Variants in SEC14L5 observed in about 807,000 individuals in gnomAD.
SEC14L5 encodes the protein SEC14-like protein 5.
SEC14L5 carries 96 observed loss-of-function variants against 84.6 expected under a neutral mutation model. The ratio of observed to expected loss-of-function variants is 1.13; its 90% CI spans 0.96 to 1.34. The LOEUF (loss-of-function observed/expected upper bound fraction) is 1.34. Among genes scored for constraint, SEC14L5 ranks in the 40% most tolerant of loss-of-function variants. The probability of loss-of-function intolerance (pLI) is 0.00; values close to 1 mark genes in which losing one functional copy is unlikely to be tolerated. For missense variants in SEC14L5, 1,224 were observed against 942.5 expected (o/e 1.30, Z -3.91); for synonymous variants, 546 against 383.4 (o/e 1.42, Z -4.95).
chr16:4,996,966 G>T lies in SEC14L5; in HGVS notation c.892G>T (p.Asp298Tyr). Residue 298 changes from aspartate to tyrosine, a missense_variant, in exon 8 of 16, where the codon GAT (aspartate) becomes TAT (tyrosine). Coordinates refer to ENST00000251170, the MANE Select transcript of SEC14L5 (RefSeq NM_014692.2). The stretch of plus-strand genomic sequence containing the variant: ...GAGCTGGCGCAAGCAGCACCAGGTG[G>T]ATCTCCTCCTTCAGACCTGGCAACC... ...SLSWRKQHQV[D>Y]LLLQTWQPPA... 2 of 1,613,624 alleles carry T rather than the reference G, an allele frequency of 1.2e-6. No homozygotes were observed. Among genetic ancestry groups the T allele is most frequent in the South Asian group, 2.2e-5 (2 of 91,010 alleles).
intron 12 of SEC14L5, among the ~76,000 whole-genome samples, chr16:5,006,327 G>A (rs559210397): frequency 1.3e-5 from 2 of 152,236 alleles, no homozygotes; most frequent in South Asian, 2.1e-4. Context: ...GATTAGGCCA[G>A]TCAAAGGCTT....
intron 12 of SEC14L5, 83 bp from the exon 13 acceptor site, chr16:5,007,269 G>A: frequency 7.4e-7 from 1 of 1,346,780 alleles, no homozygotes; most frequent in Non-Finnish European, 1.0e-6. Context: ...GTGGCTTTGG[G>A]GGTCACACAT....
intron 15 of SEC14L5, among the ~76,000 whole-genome samples, chr16:5,014,403 C>A (rs993205650): frequency 6.6e-6 from 1 of 152,244 alleles, no homozygotes; most frequent in African/African-American, 2.4e-5. Flanking sequence ...AAAGAAAGTT[C>A]TCGAGGATGG....
At chr16:4,959,913 G>C (rs1051511086) in intron 2 of SEC14L5, among the ~76,000 whole-genome samples, 1 of 152,120 alleles carries the variant, frequency 6.6e-6, no homozygotes, top group African/African-American at 2.4e-5. Flanking sequence ...TCCCCACAAA[G>C]GAGACTCTAG....
intron 15 of SEC14L5, among the ~76,000 whole-genome samples, chr16:5,012,532 C>T (rs542787247): frequency 6.6e-6 from 1 of 152,242 alleles, no homozygotes; most frequent in Admixed American, 6.5e-5. Flanking sequence ...ACCAAAGGCT[C>T]ACACCCAAGT....
At chr16:4,989,798 G>A (rs1955533102) in intron 4 of SEC14L5, among the ~76,000 whole-genome samples, 1 of 152,110 alleles carries the variant, frequency 6.6e-6, no homozygotes, top group Non-Finnish European at 1.5e-5. Flanking sequence ...TCTATCAATA[G>A]CTGAGTCAGC....
chr16:5,002,157 G>C (rs1955684389), intron 10 of SEC14L5, among the ~76,000 whole-genome samples: 1 of 152,174 alleles, frequency 6.6e-6, no homozygotes, highest in African/African-American at 2.4e-5. Flanking sequence ...CTATGTAGCA[G>C]GTGCCCTTCT....
intron 6 of SEC14L5, among the ~76,000 whole-genome samples, chr16:4,994,505 G>A (rs1328857122): frequency 1.3e-5 from 2 of 151,912 alleles, no homozygotes; most frequent in African/African-American, 4.8e-5. Context: ...CATCATTCCC[G>A]GCTAATTTTT....
At chr16:4,993,660 T>C (rs1031550848) in intron 6 of SEC14L5, among the ~76,000 whole-genome samples, 9 of 152,240 alleles carry the variant, frequency 5.9e-5, no homozygotes, top group African/African-American at 2.2e-4. Flanking sequence ...AATAATTTTT[T>C]TAAAATGTCT....
chr16:5,012,958 A>G (rs1955823031), intron 15 of SEC14L5, among the ~76,000 whole-genome samples: 1 of 151,814 alleles, frequency 6.6e-6, no homozygotes, highest in Non-Finnish European at 1.5e-5. Flanking sequence ...AGGAGGTTTA[A>G]TTGACTCACG....
chr16:4,997,731 C>T (rs1041455211), intron 8 of SEC14L5, among the ~76,000 whole-genome samples: 2 of 152,188 alleles, frequency 1.3e-5, no homozygotes, highest in Non-Finnish European at 2.9e-5. Flanking sequence ...GTCAAGGCGT[C>T]ACCAGGGCCG....
At chr16:4,984,523 T>C (rs1439586750) in intron 2 of SEC14L5, among the ~76,000 whole-genome samples, 1 of 152,250 alleles carries the variant, frequency 6.6e-6, no homozygotes, top group East Asian at 1.9e-4. Context: ...TGTGGACTTA[T>C]GTTTTCATTT....
rs1184180477 is a variant in SEC14L5, at chr16:4,978,428, G to GAAAA, written c.64-9124_64-9121dup. 2.5e-4 allele frequency among the ~76,000 whole-genome samples: 13 copies of GAAAA among 52,202 alleles called. 3 individuals carry two copies. Among genetic ancestry groups the GAAAA allele is most frequent in the African/African-American group, 9.8e-4 (11 of 11,190 alleles). The allele number at this position is 52,202 out of a possible 152,430, so 34.2% of individuals were successfully genotyped here. Reference sequence around the variant, plus strand: ...TCAGACTCCGTCTCAAAAAAAAAAGGAAAAAAAAGAAACAAGATCTTGCTC... The same window carrying GAAAA: ...TCAGACTCCGTCTCAAAAAAAAAAGGAAAAAAAAAAAAGAAACAAGATCTTGCTC... On this transcript the variant is annotated intron_variant, in intron 2 of 15. Transcript: ENST00000251170.
At chr16:4,995,589 T>C (rs1027512978) in intron 6 of SEC14L5, among the ~76,000 whole-genome samples, 2 of 151,268 alleles carry the variant, frequency 1.3e-5, no homozygotes, top group Non-Finnish European at 2.9e-5. Context: ...TTACTCCACC[T>C]CTCTAGGCCT....
intron 12 of SEC14L5, among the ~76,000 whole-genome samples, chr16:5,006,282 A>T (rs576804934): frequency 6.6e-6 from 1 of 152,266 alleles, no homozygotes; most frequent in Non-Finnish European, 1.5e-5. Flanking sequence ...TCCTTCAAAC[A>T]TAGTGAGTGA....
rs187231346 is a variant in SEC14L5 at position 5,017,147 on chromosome 16, C to T, written c.*2177C>T. ...CAGAGAAGGACACAGAAGCCTTTTACGGAAGGAAGCTGGAACTGCCTGTTC... is the reference window on the plus strand; with the variant it reads ...CAGAGAAGGACACAGAAGCCTTTTATGGAAGGAAGCTGGAACTGCCTGTTC... On this transcript the variant is annotated 3_prime_UTR_variant, in exon 16 of 16. Transcript: ENST00000251170. 3.5e-4 allele frequency: 47 copies of T among 135,576 alleles called. No individual in the cohort carries two copies. Among genetic ancestry groups the T allele is most frequent in the African/African-American group, 1.0e-3 (37 of 35,516 alleles). The allele number at this position is 135,576 out of a possible 1,614,324, so 8.4% of individuals were successfully genotyped here.
At chr16:5,006,184 C>A in intron 12 of SEC14L5, 136 bp downstream of exon 12, 1 of 829,082 alleles carries the variant, frequency 1.2e-6, no homozygotes, top group Non-Finnish European at 1.9e-6. Context: ...TAGGGCAGGT[C>A]TTGCTGGCTC....
intron 2 of SEC14L5, 68 bp from the exon 3 acceptor site, chr16:4,987,489 G>A (rs1469243726): frequency 7.8e-7 from 1 of 1,280,432 alleles, no homozygotes; most frequent in African/African-American, 1.9e-5. Context: ...CAGATAAGGA[G>A]GTCGCGCTGG....
intron 2 of SEC14L5, among the ~76,000 whole-genome samples, chr16:4,968,631 T>C (rs1456772902): frequency 6.6e-6 from 1 of 152,184 alleles, no homozygotes. Context: ...GCCTTGACTT[T>C]CCATAAACAT....
Sources: gnomAD v4.1 joint callset for allele counts (sites outside exome capture counted in the v4.1 genomes callset) on GRCh38, gnomAD v4.1.1 for gene constraint, MANE v1.5 for transcripts, NCBI Gene and HGNC (gene_info 2026-07-23, HGNC 2026-07-21) for gene names.